The following ST13 variants were observed in gnomAD, a reference collection of about 807,000 sequenced individuals.
The protein encoded by ST13 is ST13 Hsp70 interacting protein, also known as hsc70-interacting protein.
In ST13, 23 loss-of-function variants were observed where a neutral mutation model predicts 56.7. The observed-to-expected ratio is 0.41, with a 90% CI of 0.29 to 0.57. ST13 has a LOEUF of 0.57. ST13 is among the 20% of genes least tolerant of loss of function. The probability of loss-of-function intolerance (pLI) is 0.36; values close to 1 mark genes in which losing one functional copy is unlikely to be tolerated. For missense variants in ST13, 369 were observed against 459.9 expected, an observed-to-expected ratio of 0.80 and a Z score of 1.81; for synonymous variants, 132 against 142.4, an observed-to-expected ratio of 0.93 and a Z score of 0.52.
chr22:40,834,185 T>C (rs2057766909), intron 7 of ST13, among the ~76,000 whole-genome samples: 1 of 151,854 alleles, frequency 6.6e-6, no homozygotes, highest in Non-Finnish European at 1.5e-5. Context: ...GAAGGCTGAC[T>C]GAGGCAGGAT....
chr22:40,850,856 A>G lies in ST13; in HGVS notation c.135T>C (p.Ala45=). 1.2e-6 allele frequency: 2 copies of G among 1,604,690 alleles called. No homozygotes were observed. Among genetic ancestry groups the G allele is most frequent in the Non-Finnish European group, 1.7e-6 (2 of 1,177,180 alleles). ...TTTCTTCTGATTTAGCTTTCTGAGT[A>G]GCAGGTGGTACTTTACCACCCATGC... is the stretch of plus-strand genomic sequence containing the variant. ...VESMGGKVPP[A]TQKAKSEENT... is the part of the protein sequence containing the mutation. The change falls in exon 2 of 12, where the codon GCT becomes GCC. Residue 45 remains alanine, a synonymous_variant. Coordinates refer to ENST00000216218, the MANE Select transcript of ST13 (RefSeq NM_003932.5).
chr22:40,845,221 T>G (rs1468939898), intron 3 of ST13, among the ~76,000 whole-genome samples: 1 of 152,218 alleles, frequency 6.6e-6, no homozygotes, highest in Admixed American at 6.5e-5. Flanking sequence ...AACAAACTGA[T>G]TTAGTTCAAA....
rs754712721 is a variant in ST13, at chr22:40,848,280, T to C, written c.244+14A>G. The C allele has an allele frequency of 6.3e-7, 1 of 1,598,882 alleles. No individual in the cohort carries two copies. The highest frequency in any genetic ancestry group is 8.6e-7 in the Non-Finnish European group (1 of 1,166,302). On this transcript the variant is annotated intron_variant, in intron 3 of 11. Coordinates refer to ENST00000216218, the MANE Select transcript of ST13 (RefSeq NM_003932.5). The stretch of plus-strand genomic sequence containing the variant: ...CATAGGTTTTCAAATACAAACTAAC[T>C]ACCGTCTCCTCACCTAGATCACTTT...
intron 3 of ST13, among the ~76,000 whole-genome samples, chr22:40,847,117 T>C (rs919256518): frequency 6.6e-6 from 1 of 152,208 alleles, no homozygotes; most frequent in Non-Finnish European, 1.5e-5. Context: ...TTTAGTCAAT[T>C]TGTGGCCAAA....
chr22:40,854,359 G>A (rs2145753958), intron 1 of ST13, among the ~76,000 whole-genome samples: 1 of 152,290 alleles, frequency 6.6e-6, no homozygotes, highest in South Asian at 2.1e-4. Flanking sequence ...TTTAAGTTCA[G>A]AATAAAGTCC....
intron 3 of ST13, among the ~76,000 whole-genome samples, chr22:40,845,125 T>C (rs1010253686): frequency 1.3e-5 from 2 of 152,204 alleles, no homozygotes; most frequent in African/African-American, 4.8e-5. Flanking sequence ...TATCAGGTTG[T>C]AGTGGGGTTG....
rs2057722017 is a variant in ST13 at position 40,825,219 on chromosome 22, G to A, written c.*1319C>T. 1 of 152,076 alleles carries A rather than the reference G, an allele frequency of 6.6e-6. No homozygotes were observed. Among genetic ancestry groups the A allele is most frequent in the Non-Finnish European group, 1.5e-5 (1 of 68,008 alleles). 9.4% of individuals were successfully genotyped at this position (152,076 alleles called of 1,614,324 possible). On this transcript the variant is annotated 3_prime_UTR_variant, in exon 12 of 12. Coordinates refer to ENST00000216218, the MANE Select transcript of ST13 (RefSeq NM_003932.5). ...GGGGATATAGTTACACTATTTAAGA[G>A]CTGAATACAAAGACAATGAGTCTTT...
At chr22:40,834,671 G>A (rs1243355536) in intron 7 of ST13, among the ~76,000 whole-genome samples, 1 of 152,128 alleles carries the variant, frequency 6.6e-6, no homozygotes, top group Non-Finnish European at 1.5e-5. Flanking sequence ...ATTTCCCACA[G>A]AAATAGCTTA....
At chr22:40,846,756 GC>G (rs2057833420) in intron 3 of ST13, among the ~76,000 whole-genome samples, 1 of 152,144 alleles carries the variant, frequency 6.6e-6, no homozygotes, top group African/African-American at 2.4e-5. Flanking sequence ...ACTCTGGGAG[GC>G]CAAGACGGGC....
At chr22:40,840,542 A>T (rs2057798677) in intron 5 of ST13, 84 bp downstream of exon 5, 1 of 1,221,776 alleles carries the variant, frequency 8.2e-7, no homozygotes, top group Non-Finnish European at 1.2e-6. Context: ...AGGTACATGT[A>T]ACTTCTCTTC....
chr22:40,829,729 A>C (rs2057745362), intron 9 of ST13, 55 bp from the exon 10 acceptor site: 1 of 996,168 alleles, frequency 1.0e-6, no homozygotes, highest in South Asian at 2.4e-5. Flanking sequence ...AGTGCTGTCC[A>C]TGCAACCTGT....
intron 3 of ST13, among the ~76,000 whole-genome samples, chr22:40,846,683 C>CTACAT (rs1273991211): frequency 1.3e-5 from 2 of 152,168 alleles, no homozygotes; most frequent in Admixed American, 6.5e-5. Flanking sequence ...TGTAAGACCT[C>CTACAT]TAATGATATC....
intron 5 of ST13, among the ~76,000 whole-genome samples, chr22:40,839,806 G>GA (rs1043532621): frequency 6.6e-5 from 10 of 150,820 alleles, no homozygotes; most frequent in Admixed American, 6.6e-4. Flanking sequence ...ACAGAAAAAA[G>GA]AAAAAAATAA....
intron 5 of ST13, among the ~76,000 whole-genome samples, chr22:40,838,218 G>A (rs943365485): frequency 2.6e-5 from 4 of 152,160 alleles, no homozygotes; most frequent in African/African-American, 9.7e-5. Context: ...CATACTCCAG[G>A]TTTTAATTAC....
At chr22:40,849,615 G>C (rs920804388) in intron 2 of ST13, among the ~76,000 whole-genome samples, 1 of 151,542 alleles carries the variant, frequency 6.6e-6, no homozygotes, top group African/African-American at 2.4e-5. Flanking sequence ...CATAATTCTA[G>C]TTTAGAATGT....
chr22:40,829,601 A>G (rs778184371), intron 10 of ST13, 25 bp downstream of exon 10: 1 of 1,325,744 alleles, frequency 7.5e-7, no homozygotes, highest in East Asian at 2.5e-5. Flanking sequence ...AGAACAAAAC[A>G]GTTTTAACTT....
At chr22:40,851,993 T>G (rs981902688) in intron 1 of ST13, among the ~76,000 whole-genome samples, 1 of 152,182 alleles carries the variant, frequency 6.6e-6, no homozygotes, top group African/African-American at 2.4e-5. Context: ...TCCGCCAGCC[T>G]TGGCCTCCCA....
chr22:40,826,564 A>C lies in ST13; in HGVS notation c.1084T>G (p.Ser362Ala). Reference sequence around the variant, plus strand: ...TACGCTTGACCTCCAAATTTGGCTGACAATTTACTGATGAGATTCATAACC... The same window carrying C: ...TACGCTTGACCTCCAAATTTGGCTGCCAATTTACTGATGAGATTCATAACC... ...PKVMNLISKL[S>A]AKFGGQA Residue 362 changes from serine (S) to alanine (A), a missense_variant, in exon 12 of 12, where the codon TCA (serine) becomes GCA (alanine). Physicochemically the swap from Ser to Ala is moderately conservative, Grantham distance 99. Around this residue, in one of 3 missense-constraint regions of ST13, gnomAD observed 136 missense variants for 159.2 expected, o/e 0.85. Transcript: ENST00000216218. 4 of 1,599,508 alleles carry C rather than the reference A, an allele frequency of 2.5e-6. No individual in the cohort carries two copies. Among genetic ancestry groups the C allele is most frequent in the Non-Finnish European group, 3.4e-6 (4 of 1,179,762 alleles).
intron 5 of ST13, among the ~76,000 whole-genome samples, chr22:40,840,154 A>AAACC (rs896222692): frequency 5.9e-5 from 9 of 152,250 alleles, no homozygotes; most frequent in African/African-American, 2.2e-4. Context: ...CGTCTCAAAA[A>AAACC]AACCAACCAA....
Sources: gnomAD v4.1 joint callset for allele counts (sites outside exome capture counted in the v4.1 genomes callset) on GRCh38, gnomAD v4.1.1 for gene constraint, gnomAD v4.1.1 regional missense constraint, MANE v1.5 for transcripts, NCBI Gene and HGNC (gene_info 2026-07-23, HGNC 2026-07-21) for gene names.